Variants in PKMYT1 observed in about 807,000 individuals in gnomAD.
PKMYT1 encodes membrane-associated tyrosine- and threonine-specific cdc2-inhibitory kinase.
In PKMYT1, 35 loss-of-function variants were observed where a neutral mutation model predicts 49.7. The ratio of observed to expected loss-of-function variants is 0.70; its 90% CI spans 0.54 to 0.93. The LOEUF (loss-of-function observed/expected upper bound fraction) is 0.93, where lower values mean the gene tolerates loss of function less well. Ranked by LOEUF, PKMYT1 falls within the 40% of genes least tolerant of loss-of-function variation. The pLI is 0.00. For missense variants in PKMYT1, 677 were observed against 673.1 expected, an observed-to-expected ratio of 1.01 and a Z score of -0.06; for synonymous variants, 331 against 287.6, an observed-to-expected ratio of 1.15 and a Z score of -1.53.
intron 2 of PKMYT1, 51 bp from the exon 3 acceptor site, chr16:2,977,082 C>T: frequency 6.3e-7 from 1 of 1,585,874 alleles, no homozygotes; most frequent in East Asian, 2.3e-5. Flanking sequence ...CACTCTGATA[C>T]CACCTGGCCC....
intron 4 of PKMYT1, 93 bp from the exon 5 acceptor site, chr16:2,974,749 G>A (rs747108168): frequency 1.9e-5 from 15 of 784,950 alleles, no homozygotes; most frequent in Non-Finnish European, 3.2e-5. Flanking sequence ...GGTGGGAGAG[G>A]GCTGCTGTCT....
At chr16:2,977,083 C>T in intron 2 of PKMYT1, 52 bp from the exon 3 acceptor site, 1 of 1,585,874 alleles carries the variant, frequency 6.3e-7, no homozygotes, top group Non-Finnish European at 8.5e-7. Flanking sequence ...ACTCTGATAC[C>T]ACCTGGCCCT....
intron 3 of PKMYT1, 123 bp downstream of exon 3, chr16:2,976,541 A>C: frequency 1.0e-6 from 1 of 959,078 alleles, no homozygotes; most frequent in Non-Finnish European, 1.4e-6. Context: ...CTGTGAGCCC[A>C]GCAGGGACAG....
chr16:2,973,937 A>C, intron 7 of PKMYT1, 63 bp downstream of exon 7: 1 of 1,544,578 alleles, frequency 6.5e-7, no homozygotes, highest in Non-Finnish European at 8.8e-7. Context: ...ACGAATCTCC[A>C]TGGAGCCCCG....
intron 2 of PKMYT1, among the ~76,000 whole-genome samples, chr16:2,979,087 G>T (rs932563439): frequency 4.9e-4 from 75 of 151,876 alleles, no homozygotes; most frequent in African/African-American, 1.8e-3. Flanking sequence ...TGTAATCCCA[G>T]CACTTCGGGA....
chr16:2,978,008 G>A (rs1252362938), intron 2 of PKMYT1, among the ~76,000 whole-genome samples: 1 of 152,174 alleles, frequency 6.6e-6, no homozygotes, highest in African/African-American at 2.4e-5. Context: ...TTTGTAGGAA[G>A]GAGGCTCCAC....
chr16:2,976,426 C>A (rs1373003931), intron 3 of PKMYT1, among the ~76,000 whole-genome samples: 1 of 152,196 alleles, frequency 6.6e-6, no homozygotes, highest in Non-Finnish European at 1.5e-5. Flanking sequence ...GGGGCTGCTG[C>A]AGGGCGTGCC....
Position 2,979,646 on chromosome 16 carries a change from AC to A in PKMYT1, c.10+1del. 6.2e-7 allele frequency: 1 copy of A among 1,612,764 alleles called. No individual in the cohort carries two copies. Among genetic ancestry groups the A allele is most frequent in the Non-Finnish European group, 8.5e-7 (1 of 1,178,810 alleles). On this transcript the variant is annotated splice_donor_variant, in intron 2 of 8. Coordinates refer to ENST00000262300, the MANE Select transcript of PKMYT1 (RefSeq NM_004203.5). LOFTEE classifies it high-confidence loss of function. The stretch of plus-strand genomic sequence containing the variant: ...TCCCACCGTCCCTGCCCTACGACTT[AC>A]GTTCTAGCATGACTGGCCTGGCCCA...
At chr16:2,975,856 C>T (rs746074843) in intron 3 of PKMYT1, 44 bp from the exon 4 acceptor site, 28 of 1,548,300 alleles carry the variant, frequency 1.8e-5, no homozygotes, top group Non-Finnish European at 2.3e-5. Context: ...GGGTGAGCCA[C>T]AAGTGGCACA....
At chr16:2,978,206 C>T (rs1314755970) in intron 2 of PKMYT1, among the ~76,000 whole-genome samples, 1 of 152,168 alleles carries the variant, frequency 6.6e-6, no homozygotes. Context: ...CACCAACCCC[C>T]TGAAAATTGG....
chr16:2,976,976 A>T lies in PKMYT1; in HGVS notation c.66T>A (p.Ser22Arg). The change falls in exon 3 of 9, where the codon AGT becomes AGA. Residue 22 changes from serine (S) to arginine (R), a missense_variant. Physicochemically the swap from Ser to Arg is moderately radical, Grantham distance 110 (BLOSUM62 -1). Coordinates refer to ENST00000262300, the MANE Select transcript of PKMYT1 (RefSeq NM_004203.5). ...MPTEGTPPPL[S>R]GTPIPVPAYF... ...AGGCTGGGACTGGGATGGGGGTGCCACTCAGAGGTGGCGGGGTGCCCTCCG... is the reference window on the plus strand; with the variant it reads ...AGGCTGGGACTGGGATGGGGGTGCCTCTCAGAGGTGGCGGGGTGCCCTCCG... 6.4e-7 allele frequency: 1 copy of T among 1,562,536 alleles called. No individual in the cohort carries two copies. The highest frequency in any genetic ancestry group is 8.7e-7 in the Non-Finnish European group (1 of 1,153,646).
chr16:2,974,349 C>A lies in PKMYT1; in HGVS notation c.1048G>T (p.Ala350Ser). The part of the protein sequence containing the change: ...LEPDPKLRAT[A>S]EALLALPVLR... ...ACAGGCAGTGCCAGCAGGGCCTCGG[C>A]CGTGGCCCGCAGCTTGGGGTCTGGC... Residue 350 changes from alanine (A) to serine (S), a missense_variant, in exon 6 of 9, where the codon GCC becomes TCC. Ala to Ser is a moderately conservative substitution (Grantham distance 99, BLOSUM62 1). Coordinates refer to ENST00000262300, the MANE Select transcript of PKMYT1 (RefSeq NM_004203.5). The A allele has an allele frequency of 6.2e-7, 1 of 1,609,902 alleles. No homozygotes were observed.
At position 2,973,857 on chromosome 16, in the gene PKMYT1, A is replaced by G. The variant is rs879266871; in HGVS notation, c.1310+143T>C. The G allele has an allele frequency of 4.1e-4, 378 of 914,106 alleles. 1 individual carries two copies. Among genetic ancestry groups the G allele is most frequent in the Non-Finnish European group, 5.5e-4 (329 of 600,494 alleles). The allele number at this position is 914,106 out of a possible 1,614,324, so 56.6% of individuals were successfully genotyped here. On this transcript the variant is annotated intron_variant, in intron 7 of 8. Transcript: ENST00000262300. ...TGCATTAAGCCTGGCCAGGCCACAC[A>G]CCCCCAGTCTTGGTCCCCTTCCCCA...
chr16:2,979,234 T>G (rs557756429), intron 2 of PKMYT1, among the ~76,000 whole-genome samples: 14 of 152,148 alleles, frequency 9.2e-5, no homozygotes, highest in Admixed American at 1.3e-4. Context: ...ACTCAGAGGC[T>G]GAGGCAGGAG....
At position 2,974,280 on chromosome 16, in the gene PKMYT1, C is replaced by A; in HGVS notation, c.1117G>T (p.Ala373Ser). 1 of 1,578,336 alleles carries A rather than the reference C, an allele frequency of 6.3e-7. No individual in the cohort carries two copies. The highest frequency in any genetic ancestry group is 8.6e-7 in the Non-Finnish European group (1 of 1,162,710). The change falls in exon 6 of 9, where the codon GCG (alanine) becomes TCG (serine). Residue 373 changes from alanine to serine, a missense_variant. Coordinates refer to ENST00000262300, the MANE Select transcript of PKMYT1 (RefSeq NM_004203.5). ...RAWGVLWCMA[A>S]EALSRGWALW... is the part of the protein sequence containing the mutation. ...GCCCACCCTCGGCTCAGGGCCTCCG[C>A]TGCCATGCACCACAGCACACCCCAG... is the stretch of plus-strand genomic sequence containing the variant.
chr16:2,974,072 G>A lies in PKMYT1; in HGVS notation c.1238C>T (p.Pro413Leu), dbSNP rs1475346074. The A allele has an allele frequency of 7.4e-6, 12 of 1,611,144 alleles. No homozygotes were observed. The highest frequency in any genetic ancestry group is 2.7e-5 in the African/African-American group (2 of 74,910). The change falls in exon 7 of 9, where the codon CCG (proline) becomes CTG (leucine). Residue 413 changes from proline (P) to leucine (L), a missense_variant. Pro to Leu is a moderately conservative substitution (Grantham distance 98). Coordinates refer to ENST00000262300, the MANE Select transcript of PKMYT1 (RefSeq NM_004203.5). Reference sequence around the variant, plus strand: ...CAAACTGCAGGGTGGTGAGCCAGGCGGGGTGGCTGGCGGGCCCAGGGGCTG... The same window carrying A: ...CAAACTGCAGGGTGGTGAGCCAGGCAGGGTGGCTGGCGGGCCCAGGGGCTG... ...WLQPLGPPATPPGSPPCSLLL... is the reference protein window; with the variant it reads ...WLQPLGPPATLPGSPPCSLLL...
intron 8 of PKMYT1, 32 bp downstream of exon 8, chr16:2,973,106 C>T (rs766991368): frequency 6.4e-7 from 1 of 1,565,898 alleles, no homozygotes; most frequent in South Asian, 1.2e-5. Flanking sequence ...CAAAAGCTAG[C>T]CCTGCCCACC....
Position 2,974,657 on chromosome 16 carries a change from C to T in PKMYT1, c.873-1G>A. 1 of 1,553,004 alleles carries T rather than the reference C, an allele frequency of 6.4e-7. No homozygotes were observed. The highest frequency in any genetic ancestry group is 8.7e-7 in the Non-Finnish European group (1 of 1,146,442). On this transcript the variant is annotated splice_acceptor_variant, in intron 4 of 8. Coordinates refer to ENST00000262300, the MANE Select transcript of PKMYT1 (RefSeq NM_004203.5). LOFTEE classifies it high-confidence loss of function. ...CACTTCCAGGATGGTGAGGCCCAGA[C>T]TGGCAGGGACGGGATGGGGACAGAA...
chr16:2,976,878 G>A lies in PKMYT1; in HGVS notation c.164C>T (p.Pro55Leu). Residue 55 changes from proline to leucine, a missense_variant, in exon 3 of 9, where the codon CCC becomes CTC. Transcript: ENST00000262300. ...RGLSRSLPPP[P>L]PAKGSIPISR... Reference sequence around the variant, plus strand: ...GATGGGAATGCTGCCCTTGGCAGGGGGCGGAGGTGGGAGGCTCCGGCTGAG... The same window carrying A: ...GATGGGAATGCTGCCCTTGGCAGGGAGCGGAGGTGGGAGGCTCCGGCTGAG... 1.3e-6 allele frequency: 2 copies of A among 1,533,254 alleles called. No individual in the cohort carries two copies. The allele number at this position is 1,533,254 out of a possible 1,614,324, so 95.0% of individuals were successfully genotyped here.
Sources: gnomAD v4.1 joint callset for allele counts (sites outside exome capture counted in the v4.1 genomes callset) on GRCh38, gnomAD v4.1.1 for gene constraint, MANE v1.5 for transcripts, NCBI Gene and HGNC (gene_info 2026-07-23, HGNC 2026-07-21) for gene names.